SLTM: variants seen among roughly 807,000 people sequenced by gnomAD.
SLTM encodes SAFB-like transcription modulator.
SLTM carries 43 observed loss-of-function variants against 134.6 expected under a neutral mutation model. The ratio of observed to expected loss-of-function variants is 0.32; its 90% CI spans 0.25 to 0.41. SLTM has a LOEUF of 0.41. Ranked by LOEUF, SLTM falls within the 10% of genes least tolerant of loss-of-function variation. SLTM has a pLI of 1.00. For synonymous variants in SLTM, 424 were observed against 432.3 expected, an observed-to-expected ratio of 0.98 and a Z score of 0.24; for missense variants, 1,055 against 1,288.8, an observed-to-expected ratio of 0.82 and a Z score of 2.78.
intron 20 of SLTM, among the ~76,000 whole-genome samples, chr15:58,881,555 C>G (rs1028981733): frequency 6.6e-6 from 1 of 151,654 alleles, no homozygotes; most frequent in Non-Finnish European, 1.5e-5. Flanking sequence ...TGAAATGGTT[C>G]AGGCAGAATA....
At position 58,894,531 on chromosome 15, in the gene SLTM, A is replaced by G; in HGVS notation, c.1279T>C (p.Tyr427His). ...CTTGAAGACATAGTTACAATGCCAT[A>G]GCATTTTGCCCCAGGACTTCGAGCA... is the stretch of plus-strand genomic sequence containing the variant. ...TNARSPGAKC[Y>H]GIVTMSSSTE... is the part of the protein sequence containing the mutation. The change falls in exon 10 of 21, where the codon TAT becomes CAT. Residue 427 changes from tyrosine to histidine, a missense_variant. Physicochemically the swap from Tyr to His is moderately conservative, Grantham distance 83 (BLOSUM62 2). This residue lies in a region of SLTM where 776 missense variants were observed against 962.2 expected (regional missense o/e 0.81). Transcript: ENST00000380516. 1 of 1,614,114 alleles carries G rather than the reference A, an allele frequency of 6.2e-7. No homozygotes were observed. The highest frequency in any genetic ancestry group is 8.5e-7 in the Non-Finnish European group (1 of 1,179,980).
rs907796445 is a variant in SLTM at position 58,894,651 on chromosome 15, A to G, written c.1228-69T>C. On this transcript the variant is annotated intron_variant, in intron 9 of 20. Coordinates refer to ENST00000380516, the MANE Select transcript of SLTM (RefSeq NM_024755.4). ...AGTACACAGACTTCTAAATACATGA[A>G]ACTTCACAACTGAAACTATATATTA... is the stretch of plus-strand genomic sequence containing the variant. 4 of 1,402,966 alleles carry G rather than the reference A, an allele frequency of 2.9e-6. No homozygotes were observed. In the African/African-American group the frequency reaches 5.7e-5, roughly 20 times the overall value. The allele number at this position is 1,402,966 out of a possible 1,614,324, so 86.9% of individuals were successfully genotyped here.
At chr15:58,888,069 G>A (rs2034367402) in intron 17 of SLTM, among the ~76,000 whole-genome samples, 1 of 152,104 alleles carries the variant, frequency 6.6e-6, no homozygotes. Flanking sequence ...CACAAGAATC[G>A]TTTGAACCCA....
Position 58,879,804 on chromosome 15 carries a change from C to CA in SLTM, c.*194dup. 2 of 638,426 alleles carry CA rather than the reference C, an allele frequency of 3.1e-6. No homozygotes were observed. Among genetic ancestry groups the CA allele is most frequent in the South Asian group, 6.0e-5 (2 of 33,178 alleles). The allele number at this position is 638,426 out of a possible 1,614,324, so 39.5% of individuals were successfully genotyped here. A position where few individuals can be genotyped will look rare whatever the true frequency, so the allele number is the denominator to read the frequency against. ...GCAAGAAAAAAAGTTGAATGATACA[C>CA]AAAACTATTAAAAGTTACAACAGAA... On this transcript the variant is annotated 3_prime_UTR_variant, in exon 21 of 21. Coordinates refer to ENST00000380516, the MANE Select transcript of SLTM (RefSeq NM_024755.4).
chr15:58,933,638 A>C lies in SLTM; in HGVS notation c.-73T>G. The C allele has an allele frequency of 5.7e-6, 8 of 1,392,472 alleles. No individual in the cohort carries two copies. The highest frequency in any genetic ancestry group is 3.7e-6 in the Non-Finnish European group (4 of 1,076,780). The allele number at this position is 1,392,472 out of a possible 1,614,324, so 86.3% of individuals were successfully genotyped here. A position where few individuals can be genotyped will look rare whatever the true frequency, so the allele number is the denominator to read the frequency against. On this transcript the variant is annotated 5_prime_UTR_variant, in exon 1 of 21. Coordinates refer to ENST00000380516, the MANE Select transcript of SLTM (RefSeq NM_024755.4). ...GCGGCAGCAGCGCCAACTTCCACCC[A>C]GGCCTCGGCGGCCGCCGGCGCCGCG...
chr15:58,882,980 C>T (rs771696567), intron 20 of SLTM, among the ~76,000 whole-genome samples: 3 of 152,152 alleles, frequency 2.0e-5, no homozygotes, highest in Non-Finnish European at 4.4e-5. Context: ...TTGAGGAATG[C>T]TAGGTAGAGA....
chr15:58,895,906 A>G (rs2035043804), intron 9 of SLTM, among the ~76,000 whole-genome samples: 3 of 152,188 alleles, frequency 2.0e-5, no homozygotes, highest in African/African-American at 2.4e-5. Flanking sequence ...ATTAATGGCT[A>G]TTTACCAATA....
chr15:58,916,808 T>C (rs2036683269), intron 3 of SLTM, 127 bp downstream of exon 3: 2 of 650,928 alleles, frequency 3.1e-6, no homozygotes, highest in Non-Finnish European at 5.3e-6. Context: ...ACGTTGTCAA[T>C]ATTACATAGG....
At chr15:58,920,041 C>T (rs1200321454) in intron 2 of SLTM, among the ~76,000 whole-genome samples, 2 of 152,208 alleles carry the variant, frequency 1.3e-5, no homozygotes, top group South Asian at 2.1e-4. Context: ...TGAGGCCGGG[C>T]GCAGTGCCTC....
intron 14 of SLTM, among the ~76,000 whole-genome samples, chr15:58,891,132 T>C (rs1595847578): frequency 1.3e-5 from 2 of 152,336 alleles, no homozygotes; most frequent in South Asian, 4.1e-4. Flanking sequence ...CATGTCTTTC[T>C]CTAGTAACCC....
chr15:58,897,420 A>ATG (rs2035173802), intron 8 of SLTM, 187 bp from the exon 9 acceptor site: 2 of 511,306 alleles, frequency 3.9e-6, no homozygotes, highest in Non-Finnish European at 7.0e-6. Context: ...ATCTGAACGT[A>ATG]TGTACATTTC....
At chr15:58,933,190 C>A (rs915668873) in intron 1 of SLTM, among the ~76,000 whole-genome samples, 1 of 151,644 alleles carries the variant, frequency 6.6e-6, no homozygotes, top group Non-Finnish European at 1.5e-5. Flanking sequence ...GTGGCCGGTC[C>A]CTCGCAGGCC....
At chr15:58,931,125 G>T (rs1373828920) in intron 2 of SLTM, among the ~76,000 whole-genome samples, 1 of 152,122 alleles carries the variant, frequency 6.6e-6, no homozygotes, top group Admixed American at 6.6e-5. Context: ...CCTCTGGTTT[G>T]TTGGCAGTCT....
intron 12 of SLTM, 25 bp downstream of exon 12, chr15:58,893,796 G>A: frequency 6.3e-7 from 1 of 1,580,156 alleles, no homozygotes. Context: ...GCATTAGAAA[G>A]GGATTGAAAA....
Position 58,893,948 on chromosome 15 carries a change from A to G in SLTM, c.1521T>C (p.Ser507=). 1 of 1,611,836 alleles carries G rather than the reference A, an allele frequency of 6.2e-7. No individual in the cohort carries two copies. The highest frequency in any genetic ancestry group is 8.5e-7 in the Non-Finnish European group (1 of 1,179,604). ...TGCTTTCTTTTTTTTCAGATTTCTC[A>G]GACGATCTTTTCTCTTCTTTTTTGA... ...ASVKKEEKRS[S]EKSEKKESKD... The change falls in exon 12 of 21, where the codon TCT becomes TCC. Residue 507 remains serine (S), a synonymous_variant. Coordinates refer to ENST00000380516, the MANE Select transcript of SLTM (RefSeq NM_024755.4).
At chr15:58,924,336 C>A (rs117402347) in intron 2 of SLTM, among the ~76,000 whole-genome samples, 1 of 152,060 alleles carries the variant, frequency 6.6e-6, no homozygotes, top group Admixed American at 6.6e-5. Context: ...AACGTATATA[C>A]CAGAGAAAGA....
In SLTM at chr15:58,908,059, TTTC is replaced by T. The variant is rs1371305761; in HGVS notation, c.561+4501_561+4503del. On this transcript the variant is annotated intron_variant, in intron 5 of 20. Coordinates refer to ENST00000380516, the MANE Select transcript of SLTM (RefSeq NM_024755.4). ...TGTACATATACATAATTTCTTTTTC[TTTC>T]TTTTTTTTTTTTAAGACAGAGTCTT... Among the ~76,000 whole-genome samples the T allele has an allele frequency of 1.1e-3, 89 of 82,252 alleles. No individual in the cohort carries two copies. In the East Asian group the frequency reaches 0.016, roughly 15 times the overall value. 54.0% of individuals were successfully genotyped at this position (82,252 alleles called of 152,430 possible).
chr15:58,915,336 A>T (rs1333201765), intron 3 of SLTM, among the ~76,000 whole-genome samples: 4 of 152,244 alleles, frequency 2.6e-5, no homozygotes, highest in Non-Finnish European at 4.4e-5. Context: ...TGTTCGTCTC[A>T]ATAGACGTAT....
intron 5 of SLTM, 137 bp from the exon 6 acceptor site, chr15:58,901,424 A>G (rs2035479818): frequency 1.5e-6 from 1 of 682,494 alleles, no homozygotes; most frequent in Admixed American, 3.0e-5. Context: ...TAACAAATAA[A>G]TAGGCTATTC....
Sources: allele counts gnomAD v4.1 joint callset (sites outside exome capture counted in the v4.1 genomes callset), GRCh38; gene constraint gnomAD v4.1.1; regional missense constraint gnomAD v4.1.1; transcripts MANE v1.5; gene names NCBI Gene and HGNC (gene_info 2026-07-23, HGNC 2026-07-21).